Variants in CUX1 observed in about 807,000 individuals in gnomAD.
CUX1 encodes cut like homeobox 1.
In CUX1, 31 loss-of-function variants were observed where a neutral mutation model predicts 158.8. The observed-to-expected ratio is 0.20, with a 90% CI of 0.15 to 0.26. The LOEUF is 0.26. Ranked by LOEUF, CUX1 falls within the 10% of genes least tolerant of loss-of-function variation. The probability of loss-of-function intolerance (pLI) is 1.00; values close to 1 mark genes in which losing one functional copy is unlikely to be tolerated. For synonymous variants in CUX1, 879 were observed against 862.1 expected (o/e 1.02, Z -0.34); for missense variants, 1,589 against 2,014.6 (o/e 0.79, Z 4.04).
chr7:102,249,630 C>A lies in CUX1; in HGVS notation c.*588C>A, dbSNP rs1801266476. 1 of 985,126 alleles carries A rather than the reference C, an allele frequency of 1.0e-6. No homozygotes were observed. Among genetic ancestry groups the A allele is most frequent in the South Asian group, 4.7e-5 (1 of 21,260 alleles). The allele number at this position is 985,126 out of a possible 1,614,324, so 61.0% of individuals were successfully genotyped here. A position where few individuals can be genotyped will look rare whatever the true frequency, so the allele number is the denominator to read the frequency against. ...GGGCTTTTTATCTGCCATCTAATGG[C>A]TTCAGAGCGATAATACACTATTATC... On this transcript the variant is annotated 3_prime_UTR_variant, in exon 24 of 24. Coordinates refer to ENST00000292535, the MANE Select transcript of CUX1 (RefSeq NM_181552.4).
Position 102,257,082 on chromosome 7 carries a change from A to G in CUX1, c.*8040A>G, listed in dbSNP as rs1789976193. On this transcript the variant is annotated 3_prime_UTR_variant, in exon 24 of 24. Transcript: ENST00000292535. ...CCAGCAGGACACCCAGTTGTTGCCA[A>G]TCAGGTGTGAAGGTGAGGCGCCCTG... 1 of 985,130 alleles carries G rather than the reference A, an allele frequency of 1.0e-6. No homozygotes were observed. Among genetic ancestry groups the G allele is most frequent in the Admixed American group, 6.2e-5 (1 of 16,254 alleles). The allele number at this position is 985,130 out of a possible 1,614,324, so 61.0% of individuals were successfully genotyped here. A position where few individuals can be genotyped will look rare whatever the true frequency, so the allele number is the denominator to read the frequency against.
At chr7:101,895,899 T>TG (rs1801427340) in intron 1 of CUX1, among the ~76,000 whole-genome samples, 1 of 68,362 alleles carries the variant, frequency 1.5e-5, no homozygotes, top group African/African-American at 7.1e-5. Context: ...AAGTTTTTTT[T>TG]TTGTTTTTGT....
chr7:101,892,103 G>A (rs189959026), intron 1 of CUX1, among the ~76,000 whole-genome samples: 39 of 152,292 alleles, frequency 2.6e-4, no homozygotes, highest in Admixed American at 4.6e-4. Flanking sequence ...TTTTGTGTTG[G>A]AGCGGAGAGT....
intron 3 of CUX1, among the ~76,000 whole-genome samples, chr7:102,069,558 G>A (rs561828769): frequency 6.6e-6 from 1 of 152,212 alleles, no homozygotes; most frequent in African/African-American, 2.4e-5. Context: ...AGACCAGCCT[G>A]GCCAACATGA....
intron 3 of CUX1, among the ~76,000 whole-genome samples, chr7:102,056,694 C>T (rs1390970037): frequency 1.3e-5 from 2 of 152,116 alleles, no homozygotes; most frequent in Non-Finnish European, 2.9e-5. Context: ...CCTTAGCCTC[C>T]TGAGTAGCTG....
At chr7:101,846,044 A>AC (rs1244661784) in intron 1 of CUX1, among the ~76,000 whole-genome samples, 1 of 151,874 alleles carries the variant, frequency 6.6e-6, no homozygotes, top group African/African-American at 2.4e-5. Flanking sequence ...CTCAGGCCCC[A>AC]CCCCAGGCCT....
intron 2 of CUX1, among the ~76,000 whole-genome samples, chr7:101,949,361 A>G (rs1808773077): frequency 6.6e-6 from 1 of 151,840 alleles, no homozygotes; most frequent in Non-Finnish European, 1.5e-5. Context: ...CGATCTCCTG[A>G]CCTCGTGATC....
At chr7:102,062,907 C>T (rs903670688) in intron 3 of CUX1, among the ~76,000 whole-genome samples, 2 of 152,138 alleles carry the variant, frequency 1.3e-5, no homozygotes, top group Non-Finnish European at 2.9e-5. Context: ...GAGTTCAAGA[C>T]CAGCCTGGCC....
rs1191271149 is a variant in CUX1 at position 102,168,923 on chromosome 7, C to CTTTTTTT, written c.724-1519_724-1518insTTTTTTT. Among the ~76,000 whole-genome samples, 27 of 45,016 alleles carry CTTTTTTT rather than the reference C, an allele frequency of 6.0e-4. 1 individual carries two copies. Among genetic ancestry groups the CTTTTTTT allele is most frequent in the African/African-American group, 4.0e-3 (25 of 6,216 alleles). The allele number at this position is 45,016 out of a possible 152,430, so 29.5% of individuals were successfully genotyped here. On this transcript the variant is annotated intron_variant, in intron 9 of 23. Transcript: ENST00000292535. ...CTTTTCTTTTCTTTTATTTTCTTTT[C>CTTTTTTT]TTTTCTTTTATTTTCTTTTTTTTTT...
rs1801098698 is a variant in CUX1, at chr7:102,248,673, GGACGACGCCCGC to G, written c.4157_4168del (p.Ala1386_Asp1389del). On this transcript the variant is annotated inframe_deletion, in exon 24 of 24. Coordinates refer to ENST00000292535, the MANE Select transcript of CUX1 (RefSeq NM_181552.4). The surrounding 1 kb of genome is among the most constrained non-coding windows in gnomAD (Gnocchi z 5.8). ...CGCCGCCCTCGGGGACCCCGGGCCC[GGACGACGCCCGC>G]GACGACGACCACGAGGGAGGCCCCG... The G allele has an allele frequency of 4.6e-6, 6 of 1,314,468 alleles. No individual in the cohort carries two copies. Among genetic ancestry groups the G allele is most frequent in the Non-Finnish European group, 4.8e-6 (5 of 1,031,818 alleles). 81.4% of individuals were successfully genotyped at this position (1,314,468 alleles called of 1,614,324 possible). A position where few individuals can be genotyped will look rare whatever the true frequency, so the allele number is the denominator to read the frequency against.
At chr7:102,282,979 A>G (rs1313169318) in intron 22 of CUX1, 22 of 1,453,366 alleles carry the variant, frequency 1.5e-5, no homozygotes, top group Non-Finnish European at 2.0e-5. Flanking sequence ...CCCTTCCCCA[A>G]CACACACACT....
intron 23 of CUX1, among the ~76,000 whole-genome samples, chr7:102,247,646 A>G (rs1197711092): frequency 9.2e-5 from 14 of 152,122 alleles, no homozygotes; most frequent in Non-Finnish European, 1.5e-5. Flanking sequence ...CAACATGGCA[A>G]GACTCCATCT....
At chr7:102,240,367 C>G (rs1377880657) in intron 23 of CUX1, among the ~76,000 whole-genome samples, 1 of 152,178 alleles carries the variant, frequency 6.6e-6, no homozygotes, top group Non-Finnish European at 1.5e-5. Flanking sequence ...CTCCTGGGCT[C>G]AGGCAGTCCT....
intron 1 of CUX1, among the ~76,000 whole-genome samples, chr7:101,864,933 C>T (rs555350232): frequency 1.3e-5 from 2 of 152,222 alleles, no homozygotes; most frequent in African/African-American, 4.8e-5. Flanking sequence ...TTTAATGAGC[C>T]ACCTTAATTA....
rs11462111 is a variant in CUX1, at chr7:101,956,138, C to CAAAAAA, written c.141+39933_141+39938dup. Among the ~76,000 whole-genome samples the CAAAAAA allele has an allele frequency of 4.0e-3, 262 of 64,976 alleles. 9 individuals carry two copies. Among genetic ancestry groups the CAAAAAA allele is most frequent in the Non-Finnish European group, 5.8e-3 (218 of 37,664 alleles). 42.6% of individuals were successfully genotyped at this position (64,976 alleles called of 152,430 possible). A position where few individuals can be genotyped will look rare whatever the true frequency, so the allele number is the denominator to read the frequency against. On this transcript the variant is annotated intron_variant, in intron 2 of 23. Coordinates refer to ENST00000292535, the MANE Select transcript of CUX1 (RefSeq NM_181552.4). ...TGGAGCTTGCAGTGAGCCCACGTCT[C>CAAAAAA]AAAAAAAAAAAAAAAAAAAAAAAAA...
Position 101,869,754 on chromosome 7 carries a change from G to C in CUX1, c.31-46361G>C, listed in dbSNP as rs1798286416. On this transcript the variant is annotated intron_variant, in intron 1 of 23. Coordinates refer to ENST00000292535, the MANE Select transcript of CUX1 (RefSeq NM_181552.4). This position sits in a 1 kb window ranked among gnomAD's most constrained non-coding sequence, Gnocchi z 4.5. Reference sequence around the variant, plus strand: ...CTCACAGGCTGCAGAGGAAGCGCAGGGGAGGCGCAGGGGAGGCCAGGCTCT... The same window carrying C: ...CTCACAGGCTGCAGAGGAAGCGCAGCGGAGGCGCAGGGGAGGCCAGGCTCT... Among the ~76,000 whole-genome samples the C allele has an allele frequency of 6.6e-6, 1 of 152,130 alleles. No individual in the cohort carries two copies. The highest frequency in any genetic ancestry group is 2.4e-5 in the African/African-American group (1 of 41,410).
intron 1 of CUX1, among the ~76,000 whole-genome samples, chr7:101,826,410 C>T (rs1252292177): frequency 6.6e-6 from 1 of 151,988 alleles, no homozygotes; most frequent in Non-Finnish European, 1.5e-5. Flanking sequence ...CCCTGTTCCC[C>T]AGGCTGGTCT....
At chr7:102,041,387 T>C (rs1272315813) in intron 3 of CUX1, among the ~76,000 whole-genome samples, 1 of 147,624 alleles carries the variant, frequency 6.8e-6, no homozygotes, top group Admixed American at 6.9e-5. Context: ...CCTGAGTAGC[T>C]GGGATTTCAG....
At chr7:102,188,076 G>A (rs1554515805) in intron 11 of CUX1, among the ~76,000 whole-genome samples, 2 of 152,068 alleles carry the variant, frequency 1.3e-5, no homozygotes, top group African/African-American at 2.4e-5. Context: ...ATGTGCATCT[G>A]TAGTTCCAGC....
Sources: allele counts gnomAD v4.1 joint callset (sites outside exome capture counted in the v4.1 genomes callset), GRCh38; gene constraint gnomAD v4.1.1; non-coding constraint Gnocchi (gnomAD v3.1); transcripts MANE v1.5; gene names NCBI Gene and HGNC (gene_info 2026-07-23, HGNC 2026-07-21).